CTNNA2: variants seen among roughly 807,000 people sequenced by gnomAD.
CTNNA2 encodes the protein catenin alpha 2, also known as catenin alpha-2.
In CTNNA2, 42 loss-of-function variants were observed where a neutral mutation model predicts 101.0. That is an observed-to-expected ratio of 0.42 (90% CI 0.32 to 0.54). The LOEUF (loss-of-function observed/expected upper bound fraction) is 0.54. CTNNA2 is among the 20% of genes least tolerant of loss of function. CTNNA2 has a pLI of 0.14. For synonymous variants in CTNNA2, 450 were observed against 456.4 expected (o/e 0.99, Z 0.18); for missense variants, 871 against 1,223.1 (o/e 0.71, Z 4.29).
At chr2:79,409,680 C>T (rs1678384786) in intron 4 of CTNNA2, among the ~76,000 whole-genome samples, 1 of 150,034 alleles carries the variant, frequency 6.7e-6, no homozygotes, top group Non-Finnish European at 1.5e-5. Flanking sequence ...GGTACCAGTA[C>T]CATGCTGTTT....
chr2:80,635,282 G>A (rs1423149909), intron 18 of CTNNA2, among the ~76,000 whole-genome samples: 1 of 152,026 alleles, frequency 6.6e-6, no homozygotes, highest in African/African-American at 2.4e-5. Flanking sequence ...ATTATTCTGT[G>A]TCAACTCAAA....
chr2:79,469,125 C>T (rs1167470448), intron 4 of CTNNA2, among the ~76,000 whole-genome samples: 1 of 151,886 alleles, frequency 6.6e-6, no homozygotes, highest in African/African-American at 2.4e-5. Flanking sequence ...AATTGATAGA[C>T]CTCTAGCAAG....
intron 2 of CTNNA2, among the ~76,000 whole-genome samples, chr2:79,717,976 G>T (rs755821611): frequency 6.6e-6 from 1 of 152,124 alleles, no homozygotes; most frequent in Non-Finnish European, 1.5e-5. Context: ...TCCCTGTTAG[G>T]TGGATAGCTC....
intron 9 of CTNNA2, among the ~76,000 whole-genome samples, chr2:80,460,133 G>C (rs566661136): frequency 6.6e-6 from 1 of 152,044 alleles, no homozygotes; most frequent in Non-Finnish European, 1.5e-5. Context: ...CATTAAGGAG[G>C]ATAGTTTACT....
intron 7 of CTNNA2, among the ~76,000 whole-genome samples, chr2:80,208,717 C>G (rs184979262): frequency 6.4e-4 from 97 of 152,254 alleles, no homozygotes; most frequent in African/African-American, 2.2e-3. Flanking sequence ...TAATCGTGGG[C>G]AGTATCTCTA....
chr2:79,613,674 C>A (rs1678438008), intron 1 of CTNNA2, among the ~76,000 whole-genome samples: 1 of 151,792 alleles, frequency 6.6e-6, no homozygotes, highest in African/African-American at 2.4e-5. Context: ...ATTCTTTTTT[C>A]AACAATTTGT....
chr2:80,064,315 G>A (rs1316701551), intron 7 of CTNNA2, among the ~76,000 whole-genome samples: 19 of 152,298 alleles, frequency 1.2e-4, no homozygotes, highest in South Asian at 8.3e-4. Context: ...GGAGTATCTC[G>A]GGAATTTACC....
At chr2:80,603,989 T>C in intron 15 of CTNNA2, 85 bp from the exon 16 acceptor site, 3 of 1,152,458 alleles carry the variant, frequency 2.6e-6, no homozygotes, top group Non-Finnish European at 3.8e-6. Flanking sequence ...AATACAACAC[T>C]AGACTCCTGG....
chr2:80,186,182 T>G (rs948158080), intron 7 of CTNNA2, among the ~76,000 whole-genome samples: 1 of 152,192 alleles, frequency 6.6e-6, no homozygotes, highest in East Asian at 1.9e-4. Context: ...AATAAAGATG[T>G]TGGAGCCTTC....
At chr2:79,982,397 T>G (rs1430019731) in intron 7 of CTNNA2, among the ~76,000 whole-genome samples, 1 of 142,214 alleles carries the variant, frequency 7.0e-6, no homozygotes, top group Non-Finnish European at 1.5e-5. Context: ...ATATATAACA[T>G]ATATAACATA....
chr2:79,502,308 C>T (rs1387616251), intron 4 of CTNNA2, among the ~76,000 whole-genome samples: 2 of 152,260 alleles, frequency 1.3e-5, no homozygotes, highest in East Asian at 3.9e-4. Flanking sequence ...CTAGGAATGG[C>T]TCAACTGTGG....
chr2:79,539,888 C>CT (rs1290635321), intron 1 of CTNNA2, among the ~76,000 whole-genome samples: 4 of 152,142 alleles, frequency 2.6e-5, no homozygotes, highest in African/African-American at 9.7e-5. Flanking sequence ...CTTAGTGTCT[C>CT]TTTTTGGAAG....
intron 7 of CTNNA2, among the ~76,000 whole-genome samples, chr2:80,267,200 C>T (rs1260773893): frequency 6.6e-6 from 1 of 152,144 alleles, no homozygotes; most frequent in African/African-American, 2.4e-5. Context: ...CTCACTTCCC[C>T]CACATCTTCC....
intron 2 of CTNNA2, among the ~76,000 whole-genome samples, chr2:79,710,654 G>A (rs891853627): frequency 5.9e-5 from 9 of 152,134 alleles, no homozygotes; most frequent in African/African-American, 2.2e-4. Flanking sequence ...CTGTAAATTA[G>A]TTTTGGCCAC....
At chr2:79,967,239 TC>T (rs766440304) in intron 7 of CTNNA2, among the ~76,000 whole-genome samples, 2 of 152,064 alleles carry the variant, frequency 1.3e-5, no homozygotes, top group African/African-American at 2.4e-5. Flanking sequence ...CAAGACTGCT[TC>T]CTCTCCAACT....
At chr2:79,893,704 A>C (rs1188545409) in intron 6 of CTNNA2, among the ~76,000 whole-genome samples, 1 of 152,232 alleles carries the variant, frequency 6.6e-6, no homozygotes, top group Non-Finnish European at 1.5e-5. Context: ...TTCTCAAACC[A>C]GTGTAACTTT....
chr2:80,184,874 A>G (rs1706016540), intron 7 of CTNNA2, among the ~76,000 whole-genome samples: 1 of 152,178 alleles, frequency 6.6e-6, no homozygotes, highest in African/African-American at 2.4e-5. Flanking sequence ...TATCTCACAT[A>G]TTTAAAAGAT....
intron 1 of CTNNA2, among the ~76,000 whole-genome samples, chr2:79,190,118 C>T (rs1370338393): frequency 6.6e-6 from 1 of 152,086 alleles, no homozygotes; most frequent in Non-Finnish European, 1.5e-5. Context: ...TGTGATTCCT[C>T]CTCTGACCCA....
intron 7 of CTNNA2, among the ~76,000 whole-genome samples, chr2:80,029,138 G>C (rs1459988357): frequency 1.3e-5 from 2 of 152,116 alleles, no homozygotes; most frequent in Non-Finnish European, 2.9e-5. Flanking sequence ...TATTATAATG[G>C]ATACTATGAC....
Sources: gnomAD v4.1 joint callset for allele counts (sites outside exome capture counted in the v4.1 genomes callset) on GRCh38, gnomAD v4.1.1 for gene constraint, MANE v1.5 for transcripts, NCBI Gene and HGNC (gene_info 2026-07-23, HGNC 2026-07-21) for gene names.